Variants in NOXA1 observed in about 807,000 individuals in gnomAD.
The protein encoded by NOXA1 is NADPH oxidase activator 1.
NOXA1 carries 56 observed loss-of-function variants against 64.8 expected under a neutral mutation model. That is an observed-to-expected ratio of 0.86 (90% CI 0.70 to 1.08). The LOEUF (loss-of-function observed/expected upper bound fraction) is 1.08, where lower values mean the gene tolerates loss of function less well. Ranked by LOEUF, NOXA1 falls within the 50% of genes least tolerant of loss-of-function variation. The probability of loss-of-function intolerance (pLI) is 0.00; values close to 1 mark genes in which losing one functional copy is unlikely to be tolerated. For synonymous variants in NOXA1, 295 were observed against 294.8 expected (o/e 1.00, Z -0.01); for missense variants, 668 against 658.5 (o/e 1.01, Z -0.16).
chr9:137,424,292 G>A (rs1838737824), intron 1 of NOXA1, among the ~76,000 whole-genome samples: 1 of 152,236 alleles, frequency 6.6e-6, no homozygotes, highest in Non-Finnish European at 1.5e-5. Flanking sequence ...TTAAAGGAGA[G>A]GGAACTGCGC....
At chr9:137,423,937 G>A (rs1182474973) in intron 1 of NOXA1, among the ~76,000 whole-genome samples, 1 of 152,172 alleles carries the variant, frequency 6.6e-6, no homozygotes, top group Non-Finnish European at 1.5e-5. Flanking sequence ...CTCACACCGG[G>A]AAGGGGGAAG....
chr9:137,431,484 G>GGCCCA lies in NOXA1; in HGVS notation c.804+152_804+156dup, dbSNP rs1839109031. On this transcript the variant is annotated intron_variant, in intron 8 of 13. Transcript: ENST00000683555. The surrounding 1 kb of genome is among the most constrained non-coding windows in gnomAD (Gnocchi z 5.6). ...CGGGGCCGGGCTCACCCGTGGTCCT[G>GGCCCA]GCCCAGCCCAGCCAGATGGGAGGAT... 1.4e-6 allele frequency: 1 copy of GGCCCA among 701,404 alleles called. No individual in the cohort carries two copies. Among genetic ancestry groups the GGCCCA allele is most frequent in the East Asian group, 2.7e-5 (1 of 36,760 alleles). The allele number at this position is 701,404 out of a possible 1,614,324, so 43.4% of individuals were successfully genotyped here. A position where few individuals can be genotyped will look rare whatever the true frequency, so the allele number is the denominator to read the frequency against.
At chr9:137,429,466 G>A in intron 5 of NOXA1, 83 bp downstream of exon 5, 1 of 996,820 alleles carries the variant, frequency 1.0e-6, no homozygotes, top group Non-Finnish European at 1.5e-6. Flanking sequence ...GGGAGGTGCA[G>A]TCCAGGCCAC....
chr9:137,430,979 G>C, intron 6 of NOXA1, 96 bp from the exon 7 acceptor site: 1 of 1,597,416 alleles, frequency 6.3e-7, no homozygotes. Flanking sequence ...TCCCATCCCT[G>C]TGTAAGACCT....
chr9:137,428,108 G>C lies in NOXA1; in HGVS notation c.336G>C (p.Gln112His). The C allele has an allele frequency of 6.3e-7, 1 of 1,578,872 alleles. No individual in the cohort carries two copies. Among genetic ancestry groups the C allele is most frequent in the Non-Finnish European group, 8.6e-7 (1 of 1,163,778 alleles). ...GCCACGCTGCCATCGACTACACGCAGCTGGGCCTGCGGTTCAAGCTGCAAG... is the reference window on the plus strand; with the variant it reads ...GCCACGCTGCCATCGACTACACGCACCTGGGCCTGCGGTTCAAGCTGCAAG... The part of the protein sequence containing the change: ...LRGHAAIDYT[Q>H]LGLRFKLQAW... Residue 112 changes from glutamine (Q) to histidine (H), a missense_variant, in exon 3 of 14, where the codon CAG becomes CAC. Physicochemically the swap from Gln to His is conservative, Grantham distance 24. Transcript: ENST00000683555.
chr9:137,431,281 C>A lies in NOXA1; in HGVS notation c.744C>A (p.Pro248=), dbSNP rs898311539. ...CAAGAGCTGGCACCCACCAGGGCCCCCTCGATGCAGAGACAGAGGTCGGTG... is the reference window on the plus strand; with the variant it reads ...CAAGAGCTGGCACCCACCAGGGCCCACTCGATGCAGAGACAGAGGTCGGTG... The part of the protein sequence containing the change: ...DSPRAGTHQG[P]LDAETEVGAD... Residue 248 remains proline, a synonymous_variant, in exon 8 of 14, where the codon CCC becomes CCA. Transcript: ENST00000683555. The surrounding 1 kb of genome is among the most constrained non-coding windows in gnomAD (Gnocchi z 5.6). 4 of 1,612,668 alleles carry A rather than the reference C, an allele frequency of 2.5e-6. No individual in the cohort carries two copies. Among genetic ancestry groups the A allele is most frequent in the African/African-American group, 2.7e-5 (2 of 74,942 alleles).
intron 2 of NOXA1, among the ~76,000 whole-genome samples, chr9:137,427,034 T>A (rs1260744902): frequency 6.6e-6 from 1 of 152,038 alleles, no homozygotes; most frequent in Non-Finnish European, 1.5e-5. Flanking sequence ...TGACCTCAGG[T>A]GATCCACCCG....
chr9:137,433,552 C>T lies in NOXA1; in HGVS notation c.1009C>T (p.Leu337=). Residue 337 remains leucine (L), a synonymous_variant, in exon 11 of 14, where the codon CTG becomes TTG. Transcript: ENST00000683555. ...ACGAAGAGGAGCCGACCTGTCCAGC[C>T]TGCGGGCACTGCTGGGCCAAGCCCT... ...RARRGADLSS[L]RALLGQALPH... The T allele has an allele frequency of 1.9e-6, 3 of 1,573,548 alleles. No individual in the cohort carries two copies. The highest frequency in any genetic ancestry group is 2.6e-6 in the Non-Finnish European group (3 of 1,162,040).
chr9:137,428,096 C>G lies in NOXA1; in HGVS notation c.324C>G (p.Ile108Met). Residue 108 changes from isoleucine to methionine, a missense_variant, in exon 3 of 14, where the codon ATC becomes ATG. By Grantham distance (10) the Ile-to-Met change is conservative. Transcript: ENST00000683555. ...AGCAGCTGAGGGGCCACGCTGCCAT[C>G]GACTACACGCAGCTGGGCCTGCGGT... The part of the protein sequence containing the change: ...ALEQLRGHAA[I>M]DYTQLGLRFK... 6.3e-7 allele frequency: 1 copy of G among 1,585,330 alleles called. No individual in the cohort carries two copies. Among genetic ancestry groups the G allele is most frequent in the Non-Finnish European group, 8.6e-7 (1 of 1,167,310 alleles).
chr9:137,428,795 A>C, intron 3 of NOXA1, 87 bp from the exon 4 acceptor site: 1 of 1,272,172 alleles, frequency 7.9e-7, no homozygotes, highest in Non-Finnish European at 1.0e-6. Context: ...CTGGGTGGGC[A>C]GACCGAGGGA....
chr9:137,431,233 T>G lies in NOXA1; in HGVS notation c.699-3T>G, dbSNP rs201984595. 6.3e-4 allele frequency: 1,016 copies of G among 1,612,024 alleles called. 15 individuals carry two copies. The African/African-American group carries it at 0.012, about 20-fold the overall frequency. On this transcript the variant is annotated splice_region_variant and splice_polypyrimidine_tract_variant and intron_variant, in intron 7 of 13. Transcript: ENST00000683555. This position sits in a 1 kb window ranked among gnomAD's most constrained non-coding sequence, Gnocchi z 5.6. ...GGCCTGAGAGCCTCCCTCCTCTCCC[T>G]AGGTCCCTAATCATGGACTCCCCAA... is the stretch of plus-strand genomic sequence containing the variant.
At chr9:137,430,068 G>A (rs1839033367) in intron 5 of NOXA1, among the ~76,000 whole-genome samples, 2 of 123,088 alleles carry the variant, frequency 1.6e-5, no homozygotes, top group South Asian at 5.8e-4. Flanking sequence ...GGGGGCGGGG[G>A]TGCCTGTGTC....
chr9:137,431,453 G>A lies in NOXA1; in HGVS notation c.804+112G>A. 2.3e-6 allele frequency: 2 copies of A among 852,998 alleles called. No individual in the cohort carries two copies. The highest frequency in any genetic ancestry group is 3.7e-6 in the Non-Finnish European group (2 of 537,696). 52.8% of individuals were successfully genotyped at this position (852,998 alleles called of 1,614,324 possible). A position where few individuals can be genotyped will look rare whatever the true frequency, so the allele number is the denominator to read the frequency against. On this transcript the variant is annotated intron_variant, in intron 8 of 13. Coordinates refer to ENST00000683555, the MANE Select transcript of NOXA1 (RefSeq NM_001256067.2). This position sits in a 1 kb window ranked among gnomAD's most constrained non-coding sequence, Gnocchi z 5.6. ...GGGTGGAGGGAGCAGCTCGCTGGGG[G>A]GTAGACGGGGCCGGGCTCACCCGTG... is the stretch of plus-strand genomic sequence containing the variant.
rs1838658006 is a variant in NOXA1 at position 137,423,433 on chromosome 9, C to T, written c.-97C>T. The T allele has an allele frequency of 1.2e-6, 1 of 805,490 alleles. No individual in the cohort carries two copies. The highest frequency in any genetic ancestry group is 1.6e-6 in the Non-Finnish European group (1 of 617,774). The allele number at this position is 805,490 out of a possible 1,614,324, so 49.9% of individuals were successfully genotyped here. ...GGCGCTTGGCGCCCGCACCTCTGCC[C>T]GCCTCGGAGACCCCGCAGCCCCGCG... On this transcript the variant is annotated 5_prime_UTR_variant, in exon 1 of 14. Transcript: ENST00000683555.
At chr9:137,432,918 TG>T in intron 8 of NOXA1, 110 bp from the exon 9 acceptor site, 1 of 1,201,706 alleles carries the variant, frequency 8.3e-7, no homozygotes, top group Non-Finnish European at 1.2e-6. Flanking sequence ...GACCACCTGC[TG>T]GGTGCTGGCC....
rs766452293 is a variant in NOXA1 at position 137,423,575 on chromosome 9, C to G, written c.46C>G (p.Gln16Glu). ...GGTGCGCGCCTGGCACCTGGGCGCGCAGGCTGTGGATCGTGGGGACTGGGC... is the reference window on the plus strand; with the variant it reads ...GGTGCGCGCCTGGCACCTGGGCGCGGAGGCTGTGGATCGTGGGGACTGGGC... ...DLVRAWHLGA[Q>E]AVDRGDWARA... The change falls in exon 1 of 14, where the codon CAG becomes GAG. Residue 16 changes from glutamine to glutamate, a missense_variant. Coordinates refer to ENST00000683555, the MANE Select transcript of NOXA1 (RefSeq NM_001256067.2). 6.8e-7 allele frequency: 1 copy of G among 1,464,026 alleles called. No individual in the cohort carries two copies. The highest frequency in any genetic ancestry group is 9.0e-7 in the Non-Finnish European group (1 of 1,106,866). The allele number at this position is 1,464,026 out of a possible 1,614,324, so 90.7% of individuals were successfully genotyped here. A position where few individuals can be genotyped will look rare whatever the true frequency, so the allele number is the denominator to read the frequency against.
intron 9 of NOXA1, 60 bp from the exon 10 acceptor site, chr9:137,433,145 C>T (rs1056692480): frequency 2.0e-5 from 32 of 1,609,262 alleles, no homozygotes; most frequent in Non-Finnish European, 2.3e-5. Context: ...GCCGGCTGCC[C>T]TCCACCCACA....
At chr9:137,425,046 G>A (rs1034428625) in intron 1 of NOXA1, among the ~76,000 whole-genome samples, 1 of 152,228 alleles carries the variant, frequency 6.6e-6, no homozygotes, top group African/African-American at 2.4e-5. Flanking sequence ...CTTGCGTGAC[G>A]TTTGGGGCAG....
chr9:137,426,238 T>C lies in NOXA1; in HGVS notation c.178-10T>C. ...AGACCTTGGCATCCCGTGGGCATTT[T>C]TGTCCCCAGGCATTTGACCAAGCCG... On this transcript the variant is annotated splice_polypyrimidine_tract_variant and intron_variant, in intron 1 of 13. Coordinates refer to ENST00000683555, the MANE Select transcript of NOXA1 (RefSeq NM_001256067.2). 1 of 1,613,538 alleles carries C rather than the reference T, an allele frequency of 6.2e-7. No homozygotes were observed. Among genetic ancestry groups the C allele is most frequent in the Non-Finnish European group, 8.5e-7 (1 of 1,179,816 alleles).
Sources: gnomAD v4.1 joint callset for allele counts (sites outside exome capture counted in the v4.1 genomes callset) on GRCh38, gnomAD v4.1.1 for gene constraint, Gnocchi (gnomAD v3.1) non-coding constraint, MANE v1.5 for transcripts, NCBI Gene and HGNC (gene_info 2026-07-23, HGNC 2026-07-21) for gene names.